ODAD2: variants seen among roughly 807,000 people sequenced by gnomAD.
ODAD2 encodes outer dynein arm-docking complex subunit 2.
A neutral mutation model predicts 106.8 loss-of-function variants in ODAD2; 89 were observed. The ratio of observed to expected loss-of-function variants is 0.83; its 90% CI spans 0.70 to 0.99. ODAD2 has a LOEUF of 0.99. ODAD2 is among the 50% of genes least tolerant of loss of function. The pLI, the probability that ODAD2 is intolerant of heterozygous loss-of-function variation, is 0.00. For missense variants in ODAD2, 1,168 were observed against 1,238.5 expected, an observed-to-expected ratio of 0.94 and a Z score of 0.85; for synonymous variants, 404 against 436.2, an observed-to-expected ratio of 0.93 and a Z score of 0.92.
At chr10:27,976,727 T>G (rs547867767) in intron 7 of ODAD2, among the ~76,000 whole-genome samples, 1 of 152,306 alleles carries the variant, frequency 6.6e-6, no homozygotes, top group South Asian at 2.1e-4. Context: ...AGGCAATTTT[T>G]TAAGAAACTG....
intron 17 of ODAD2, among the ~76,000 whole-genome samples, chr10:27,903,619 AT>A (rs1252346179): frequency 1.3e-5 from 2 of 152,214 alleles, no homozygotes; most frequent in Non-Finnish European, 2.9e-5. Flanking sequence ...TACAAAATCA[AT>A]GTGCAAAAGT....
intron 19 of ODAD2, among the ~76,000 whole-genome samples, chr10:27,817,994 T>G (rs1327243389): frequency 1.3e-5 from 2 of 151,858 alleles, no homozygotes; most frequent in African/African-American, 2.4e-5. Context: ...TTTACTGACC[T>G]CCTCGTAGCC....
chr10:27,927,517 C>T (rs969267975), intron 16 of ODAD2, among the ~76,000 whole-genome samples: 2 of 152,114 alleles, frequency 1.3e-5, no homozygotes, highest in Non-Finnish European at 2.9e-5. Flanking sequence ...TGATTCTTAT[C>T]AAAGTTAAAA....
intron 12 of ODAD2, among the ~76,000 whole-genome samples, chr10:27,941,148 T>A (rs571222736): frequency 6.6e-6 from 1 of 151,990 alleles, no homozygotes; most frequent in Non-Finnish European, 1.5e-5. Context: ...CTAAAACCAT[T>A]AGCACTTTCT....
At chr10:27,869,755 G>A (rs1004053856) in intron 17 of ODAD2, among the ~76,000 whole-genome samples, 3 of 151,806 alleles carry the variant, frequency 2.0e-5, no homozygotes, top group Admixed American at 6.6e-5. Flanking sequence ...GGCTGGTCCC[G>A]AACTCTTGAC....
At chr10:27,918,779 T>G (rs1158301466) in intron 16 of ODAD2, among the ~76,000 whole-genome samples, 2 of 151,792 alleles carry the variant, frequency 1.3e-5, no homozygotes, top group Admixed American at 1.3e-4. Flanking sequence ...TATTTCTACA[T>G]GTAGAAAACC....
chr10:27,891,504 GT>G (rs968738540), intron 17 of ODAD2, among the ~76,000 whole-genome samples: 5 of 151,854 alleles, frequency 3.3e-5, no homozygotes, highest in African/African-American at 1.2e-4. Context: ...GACATATTGA[GT>G]TTTCTTCCTA....
intron 10 of ODAD2, among the ~76,000 whole-genome samples, chr10:27,960,523 T>C (rs1022706083): frequency 6.6e-6 from 1 of 151,792 alleles, no homozygotes; most frequent in African/African-American, 2.4e-5. Context: ...ATTTTTTTTG[T>C]ATTTTTAGTA....
intron 19 of ODAD2, among the ~76,000 whole-genome samples, chr10:27,822,793 G>C (rs1324154918): frequency 1.3e-5 from 2 of 152,108 alleles, no homozygotes; most frequent in African/African-American, 4.8e-5. Context: ...CAAGGTGATA[G>C]GTGTGTGTGT....
chr10:27,969,299 A>T (rs1220461610), intron 8 of ODAD2, among the ~76,000 whole-genome samples: 5 of 151,488 alleles, frequency 3.3e-5, no homozygotes, highest in Non-Finnish European at 7.4e-5. Flanking sequence ...GATGCCTTCT[A>T]CTCTAGGTAT....
chr10:27,882,209 GAAAGAAAGAA>G, intron 17 of ODAD2, among the ~76,000 whole-genome samples: 1 of 150,976 alleles, frequency 6.6e-6, no homozygotes, highest in East Asian at 2.0e-4. Flanking sequence ...AAGAAAGAAA[GAAAGAAAGAA>G]AGAAAGAAAG....
chr10:27,878,856 C>T (rs1423149209), intron 17 of ODAD2, among the ~76,000 whole-genome samples: 1 of 152,024 alleles, frequency 6.6e-6, no homozygotes, highest in Non-Finnish European at 1.5e-5. Flanking sequence ...AATCCAACAA[C>T]TTTAAAAAAA....
rs1022012517 is a variant in ODAD2 at position 27,939,963 on chromosome 10, G to A, written c.2031C>T (p.Asn677=). 1.6e-5 allele frequency: 25 copies of A among 1,610,998 alleles called. No individual in the cohort carries two copies. The highest frequency in any genetic ancestry group is 2.0e-5 in the Non-Finnish European group (24 of 1,178,726). The change falls in exon 14 of 20, where the codon AAC becomes AAT. Residue 677 remains asparagine, a synonymous_variant. Transcript: ENST00000305242. ...TCTCACTATTTAGGTTCTTGACAAG[G>A]TTTTCAATGATCCTTTCTGCTTTGA... ...AAIKAERIIE[N]LVKNLNSENE...
At chr10:27,962,310 C>G (rs1848194112) in intron 9 of ODAD2, among the ~76,000 whole-genome samples, 1 of 152,172 alleles carries the variant, frequency 6.6e-6, no homozygotes, top group Non-Finnish European at 1.5e-5. Context: ...AATTAAAAAT[C>G]CAGTTCTCCA....
At chr10:27,995,342 T>C (rs1040919806) in intron 1 of ODAD2, among the ~76,000 whole-genome samples, 162 bp from the exon 2 acceptor site, 7 of 152,206 alleles carry the variant, frequency 4.6e-5, no homozygotes, top group African/African-American at 1.2e-4. Flanking sequence ...TTCAATGAAG[T>C]AGTAAACCAG....
At chr10:27,814,858 GGCAT>G (rs1836007623) in intron 19 of ODAD2, among the ~76,000 whole-genome samples, 1 of 152,182 alleles carries the variant, frequency 6.6e-6, no homozygotes, top group African/African-American at 2.4e-5. Context: ...TCCTGCGGGA[GGCAT>G]ATGTCAACAA....
chr10:27,964,543 T>C (rs1848366989), intron 9 of ODAD2, among the ~76,000 whole-genome samples: 1 of 152,206 alleles, frequency 6.6e-6, no homozygotes, highest in Admixed American at 6.5e-5. Flanking sequence ...TGAAGAATGC[T>C]GTCTTTCGGT....
chr10:27,939,831 G>A (rs1053299187), intron 14 of ODAD2, 66 bp downstream of exon 14: 7 of 869,082 alleles, frequency 8.1e-6, no homozygotes, highest in African/African-American at 7.0e-5. Context: ...GAAACCACAT[G>A]GTTAGAAAAC....
intron 17 of ODAD2, among the ~76,000 whole-genome samples, chr10:27,903,991 T>C (rs1202119176): frequency 2.0e-5 from 3 of 152,154 alleles, no homozygotes; most frequent in Non-Finnish European, 4.4e-5. Context: ...ATCTATGTTT[T>C]CTCCAAATAA....
Sources: allele counts gnomAD v4.1 joint callset (sites outside exome capture counted in the v4.1 genomes callset), GRCh38; gene constraint gnomAD v4.1.1; transcripts MANE v1.5; gene names NCBI Gene and HGNC (gene_info 2026-07-23, HGNC 2026-07-21).